Variants in ANXA13 observed in about 807,000 individuals in gnomAD.
ANXA13 encodes annexin XIII.
A neutral mutation model predicts 46.6 loss-of-function variants in ANXA13; 36 were observed. The ratio of observed to expected loss-of-function variants is 0.77; its 90% CI spans 0.59 to 1.02. ANXA13 has a LOEUF of 1.02. ANXA13 is among the 50% of genes least tolerant of loss of function. The probability of loss-of-function intolerance (pLI) is 0.00; values close to 1 mark genes in which losing one functional copy is unlikely to be tolerated. For synonymous variants in ANXA13, 163 were observed against 152.9 expected (o/e 1.07, Z -0.49); for missense variants, 417 against 396.5 (o/e 1.05, Z -0.44).
chr8:123,719,595 G>A (rs999558002), intron 1 of ANXA13, among the ~76,000 whole-genome samples: 19 of 152,168 alleles, frequency 1.2e-4, no homozygotes, highest in Non-Finnish European at 1.9e-4. Context: ...CTCAAAGGGC[G>A]GTAGGAATTA....
chr8:123,685,566 A>T (rs547032597), intron 9 of ANXA13, among the ~76,000 whole-genome samples: 1 of 152,234 alleles, frequency 6.6e-6, no homozygotes, highest in Non-Finnish European at 1.5e-5. Context: ...GATTAACAGT[A>T]AGTGATTATT....
chr8:123,683,161 A>T (rs541030415), intron 10 of ANXA13, among the ~76,000 whole-genome samples: 8 of 152,236 alleles, frequency 5.3e-5, no homozygotes, highest in Non-Finnish European at 8.8e-5. Context: ...AGGCAGAGGC[A>T]TGGCAGGAGC....
intron 10 of ANXA13, among the ~76,000 whole-genome samples, chr8:123,683,487 C>A (rs1813079627): frequency 1.5e-5 from 2 of 133,856 alleles, no homozygotes; most frequent in Non-Finnish European, 1.5e-5. Context: ...CCACTTCATT[C>A]CCCAAGGCTT....
At chr8:123,724,684 A>C (rs1813948293) in intron 1 of ANXA13, among the ~76,000 whole-genome samples, 1 of 152,228 alleles carries the variant, frequency 6.6e-6, no homozygotes, top group Admixed American at 6.5e-5. Flanking sequence ...GAACACTGAA[A>C]GCATTAAAGC....
intron 1 of ANXA13, among the ~76,000 whole-genome samples, chr8:123,724,844 C>T (rs757631673): frequency 5.9e-5 from 9 of 152,208 alleles, no homozygotes; most frequent in Non-Finnish European, 8.8e-5. Flanking sequence ...TGGCCCATTA[C>T]TTATTTTTGT....
chr8:123,737,278 A>T (rs755473348), intron 1 of ANXA13, 42 bp downstream of exon 1: 3 of 1,595,748 alleles, frequency 1.9e-6, no homozygotes, highest in Admixed American at 3.4e-5. Flanking sequence ...TCCACATGCT[A>T]ACCAAAATTA....
At chr8:123,719,493 A>T (rs1813821354) in intron 1 of ANXA13, among the ~76,000 whole-genome samples, 2 of 152,234 alleles carry the variant, frequency 1.3e-5, no homozygotes. Context: ...ATGACACATG[A>T]CAATTGCATT....
At position 123,710,997 on chromosome 8, in the gene ANXA13, C is replaced by T. The variant is rs1464860110; in HGVS notation, c.91+1681G>A. Among the ~76,000 whole-genome samples, 8 of 150,998 alleles carry T rather than the reference C, an allele frequency of 5.3e-5. No individual in the cohort carries two copies. In the Admixed American group the frequency reaches 5.3e-4, roughly 10 times the overall value. On this transcript the variant is annotated intron_variant, in intron 2 of 10. Transcript: ENST00000419625. Reference sequence around the variant, plus strand: ...CCAGAGTCAATCAATTTTTCCCGTCCTACCTCCAAGGATACAGGGGAAAAT... The same window carrying T: ...CCAGAGTCAATCAATTTTTCCCGTCTTACCTCCAAGGATACAGGGGAAAAT...
At chr8:123,735,791 G>A in intron 1 of ANXA13, 1 of 1,612,614 alleles carries the variant, frequency 6.2e-7, no homozygotes, top group Non-Finnish European at 8.5e-7. Context: ...TCCGTGATGG[G>A]TGGCTGAGAG....
chr8:123,712,350 C>T (rs1161180434), intron 2 of ANXA13: 4 of 293,194 alleles, frequency 1.4e-5, no homozygotes, highest in African/African-American at 2.1e-5. Context: ...TACCCCACCT[C>T]GGGTATGTCT....
chr8:123,710,810 A>G (rs1418233664), intron 2 of ANXA13, among the ~76,000 whole-genome samples: 1 of 152,204 alleles, frequency 6.6e-6, no homozygotes, highest in Non-Finnish European at 1.5e-5. Flanking sequence ...ACTTGATGAG[A>G]TTTTGTATAT....
At chr8:123,698,778 G>A (rs1813392313) in intron 3 of ANXA13, among the ~76,000 whole-genome samples, 1 of 152,170 alleles carries the variant, frequency 6.6e-6, no homozygotes, top group Non-Finnish European at 1.5e-5. Flanking sequence ...CCTGCTCAGG[G>A]CTGGAGACCT....
rs190896032 is a variant in ANXA13, at chr8:123,691,480, C to T, written c.642+1717G>A. Among the ~76,000 whole-genome samples, 10 of 152,282 alleles carry T rather than the reference C, an allele frequency of 6.6e-5. No homozygotes were observed. The East Asian group carries it at 7.7e-4, about 12-fold the overall frequency. ...GGCACTGTCTGTTCACCCAGGGAGA[C>T]GCCCGACAATTGCTAATGTTCATTG... On this transcript the variant is annotated intron_variant, in intron 8 of 10. Transcript: ENST00000419625.
chr8:123,712,586 G>T, intron 2 of ANXA13, 92 bp downstream of exon 2: 1 of 1,098,264 alleles, frequency 9.1e-7, no homozygotes, highest in Non-Finnish European at 1.4e-6. Flanking sequence ...AAGATAGTGA[G>T]ATGTCAGCTT....
At chr8:123,735,837 G>A in intron 1 of ANXA13, 1 of 1,612,296 alleles carries the variant, frequency 6.2e-7, no homozygotes, top group East Asian at 2.2e-5. Context: ...GTCCCCTTTA[G>A]GCAACTGTTG....
At chr8:123,688,458 C>T (rs947882102) in intron 9 of ANXA13, among the ~76,000 whole-genome samples, 1 of 152,140 alleles carries the variant, frequency 6.6e-6, no homozygotes, top group Admixed American at 6.5e-5. Flanking sequence ...CGGACTAATA[C>T]AGCAGGACTG....
At chr8:123,722,961 AGGG>A (rs1813913165) in intron 1 of ANXA13, among the ~76,000 whole-genome samples, 1 of 152,222 alleles carries the variant, frequency 6.6e-6, no homozygotes, top group Non-Finnish European at 1.5e-5. Flanking sequence ...ACAGTGTACG[AGGG>A]GGCTGAATTT....
At chr8:123,705,521 C>T (rs1259306475) in intron 2 of ANXA13, among the ~76,000 whole-genome samples, 1 of 152,234 alleles carries the variant, frequency 6.6e-6, no homozygotes, top group East Asian at 1.9e-4. Context: ...GCACAGCACA[C>T]TATTTACATG....
intron 4 of ANXA13, among the ~76,000 whole-genome samples, chr8:123,696,391 G>A (rs753049855): frequency 1.3e-5 from 2 of 152,182 alleles, no homozygotes; most frequent in African/African-American, 2.4e-5. Flanking sequence ...ACAAGGCTTC[G>A]TTCAGTAACA....
Sources: allele counts gnomAD v4.1 joint callset (sites outside exome capture counted in the v4.1 genomes callset), GRCh38; gene constraint gnomAD v4.1.1; transcripts MANE v1.5; gene names NCBI Gene and HGNC (gene_info 2026-07-23, HGNC 2026-07-21).